The following SYNDIG1 variants were observed in gnomAD, a reference collection of about 807,000 sequenced individuals.
SYNDIG1 encodes the protein synapse differentiation inducing 1, also known as synapse differentiation-inducing gene protein 1.
Under a neutral mutation model 19.4 loss-of-function variants are expected in SYNDIG1, and 9 were observed. The ratio of observed to expected loss-of-function variants is 0.46; its 90% CI spans 0.28 to 0.81. The LOEUF is 0.81. Among genes scored for constraint, SYNDIG1 ranks in the 30% least tolerant of loss-of-function variants. The pLI, the probability that SYNDIG1 is intolerant of heterozygous loss-of-function variation, is 0.12. For missense variants in SYNDIG1, 311 were observed against 343.3 expected, an observed-to-expected ratio of 0.91 and a Z score of 0.74; for synonymous variants, 141 against 145.9, an observed-to-expected ratio of 0.97 and a Z score of 0.24.
At chr20:24,472,752 C>G (rs1328613673) in intron 1 of SYNDIG1, among the ~76,000 whole-genome samples, 4 of 152,200 alleles carry the variant, frequency 2.6e-5, no homozygotes, top group Non-Finnish European at 5.9e-5. Flanking sequence ...GGGAGGCCCT[C>G]CCTCCACCAG....
intron 1 of SYNDIG1, among the ~76,000 whole-genome samples, chr20:24,494,365 G>A (rs932861099): frequency 2.0e-5 from 3 of 152,192 alleles, no homozygotes; most frequent in African/African-American, 4.8e-5. Context: ...TGGCGGGTCC[G>A]AGGGTGACTG....
intron 1 of SYNDIG1, among the ~76,000 whole-genome samples, chr20:24,528,954 A>G (rs1441782037): frequency 1.3e-5 from 2 of 152,196 alleles, no homozygotes; most frequent in Non-Finnish European, 2.9e-5. Context: ...GCACATTAAG[A>G]GTGTGAAATC....
At chr20:24,530,715 A>C (rs1479491363) in intron 1 of SYNDIG1, among the ~76,000 whole-genome samples, 2 of 152,100 alleles carry the variant, frequency 1.3e-5, no homozygotes, top group African/African-American at 4.8e-5. Flanking sequence ...AAGGGTCAGG[A>C]GCAGCCATAC....
intron 1 of SYNDIG1, among the ~76,000 whole-genome samples, chr20:24,473,518 C>T (rs2055530201): frequency 6.6e-6 from 1 of 152,162 alleles, no homozygotes; most frequent in Non-Finnish European, 1.5e-5. Flanking sequence ...GTTCAAAGAG[C>T]AGATGAAGTA....
intron 3 of SYNDIG1, among the ~76,000 whole-genome samples, chr20:24,634,143 C>A (rs2059289310): frequency 6.6e-6 from 1 of 152,214 alleles, no homozygotes; most frequent in Admixed American, 6.5e-5. Context: ...GGGACCCCGT[C>A]TTTCTGTGCC....
chr20:24,512,946 G>A (rs890885491), intron 1 of SYNDIG1, among the ~76,000 whole-genome samples: 1 of 151,970 alleles, frequency 6.6e-6, no homozygotes, highest in South Asian at 2.1e-4. Flanking sequence ...GGAACAATCA[G>A]GAAGCAACAT....
chr20:24,619,809 C>A (rs1322695713), intron 3 of SYNDIG1, among the ~76,000 whole-genome samples: 1 of 152,164 alleles, frequency 6.6e-6, no homozygotes. Flanking sequence ...TGGCATGACC[C>A]AGCCTAACTT....
At chr20:24,528,793 T>TGTTTTCTGAGACTATCCATGGGC (rs1219658651) in intron 1 of SYNDIG1, among the ~76,000 whole-genome samples, 1 of 152,224 alleles carries the variant, frequency 6.6e-6, no homozygotes, top group Non-Finnish European at 1.5e-5. Context: ...AAACTCAGGT[T>TGTTTTCTGAGACTATCCATGGGC]GTTTTCTGAG....
At chr20:24,534,508 C>T (rs1014358307) in intron 1 of SYNDIG1, among the ~76,000 whole-genome samples, 3 of 152,234 alleles carry the variant, frequency 2.0e-5, no homozygotes, top group East Asian at 1.9e-4. Context: ...GGATTTCCCC[C>T]AGCCGGAACA....
At chr20:24,662,250 G>A (rs2059611295) in intron 3 of SYNDIG1, among the ~76,000 whole-genome samples, 1 of 151,726 alleles carries the variant, frequency 6.6e-6, no homozygotes, top group Non-Finnish European at 1.5e-5. Flanking sequence ...CTGCACTTGA[G>A]GGACAGGAAG....
intron 2 of SYNDIG1, among the ~76,000 whole-genome samples, chr20:24,555,730 T>A (rs1015307156): frequency 1.7e-4 from 26 of 152,294 alleles, no homozygotes; most frequent in African/African-American, 5.1e-4. Context: ...TCCAAGTATG[T>A]GGTCAATTTT....
At chr20:24,636,671 C>T (rs998985652) in intron 3 of SYNDIG1, among the ~76,000 whole-genome samples, 1 of 152,174 alleles carries the variant, frequency 6.6e-6, no homozygotes, top group Admixed American at 6.5e-5. Context: ...ACCTGCCTGG[C>T]CACCATGTAG....
chr20:24,567,558 C>G (rs137977161), intron 2 of SYNDIG1, among the ~76,000 whole-genome samples: 64 of 152,328 alleles, frequency 4.2e-4, no homozygotes, highest in Non-Finnish European at 8.4e-4. Flanking sequence ...CAAAGGGGCT[C>G]TGACCTGTGT....
intron 2 of SYNDIG1, among the ~76,000 whole-genome samples, chr20:24,560,061 TCC>T: frequency 8.6e-6 from 1 of 116,186 alleles, no homozygotes; most frequent in Admixed American, 9.7e-5. Flanking sequence ...TTCTCTCCTC[TCC>T]TTTTTTTTTT....
chr20:24,664,613 A>T (rs140429727), intron 3 of SYNDIG1, among the ~76,000 whole-genome samples: 40 of 152,308 alleles, frequency 2.6e-4, no homozygotes, highest in Middle Eastern at 3.4e-3. Context: ...TCGTGACCCC[A>T]AGAATCATGA....
chr20:24,564,359 A>G (rs2058001796), intron 2 of SYNDIG1, among the ~76,000 whole-genome samples: 1 of 152,188 alleles, frequency 6.6e-6, no homozygotes, highest in African/African-American at 2.4e-5. Context: ...TTTTATTTCA[A>G]CCAATATCTT....
intron 3 of SYNDIG1, 63 bp downstream of exon 3, chr20:24,585,056 G>GGGGGGGGCCCC: frequency 1.8e-6 from 1 of 545,656 alleles, no homozygotes; most frequent in Non-Finnish European, 3.4e-6. Context: ...GGTGGGGGCG[G>GGGGGGGGCCCC]CAATCCCAGC....
intron 3 of SYNDIG1, among the ~76,000 whole-genome samples, chr20:24,653,392 G>C (rs1186094591): frequency 6.6e-6 from 1 of 152,130 alleles, no homozygotes; most frequent in East Asian, 1.9e-4. Context: ...CCTGAAAGCA[G>C]TGCATTTCTA....
chr20:24,606,747 C>T (rs987289717), intron 3 of SYNDIG1, among the ~76,000 whole-genome samples: 2 of 152,122 alleles, frequency 1.3e-5, no homozygotes, highest in African/African-American at 2.4e-5. Context: ...TGTAGGGGAG[C>T]ATACAGGATC....
Sources: allele counts gnomAD v4.1 joint callset (sites outside exome capture counted in the v4.1 genomes callset), GRCh38; gene constraint gnomAD v4.1.1; transcripts MANE v1.5; gene names NCBI Gene and HGNC (gene_info 2026-07-23, HGNC 2026-07-21).